Variants in PSMG2 observed in about 807,000 individuals in gnomAD.
The protein encoded by PSMG2 is CD40 ligand-activated specific transcript 3.
PSMG2 carries 21 observed loss-of-function variants against 31.5 expected under a neutral mutation model. That is an observed-to-expected ratio of 0.67 (90% CI 0.47 to 0.96). The LOEUF (loss-of-function observed/expected upper bound fraction) is 0.96, where lower values mean the gene tolerates loss of function less well. Ranked by LOEUF, PSMG2 falls within the 40% of genes least tolerant of loss-of-function variation. The probability of loss-of-function intolerance (pLI) is 0.00; values close to 1 mark genes in which losing one functional copy is unlikely to be tolerated. For synonymous variants in PSMG2, 120 were observed against 110.4 expected, an observed-to-expected ratio of 1.09 and a Z score of -0.54; for missense variants, 318 against 321.2, an observed-to-expected ratio of 0.99 and a Z score of 0.08.
chr18:12,681,135 T>C (rs968266308), intron 1 of PSMG2, among the ~76,000 whole-genome samples: 1 of 151,288 alleles, frequency 6.6e-6, no homozygotes, highest in African/African-American at 2.4e-5. Context: ...GAGGCGGAGG[T>C]TGCAGTGAGC....
intron 1 of PSMG2, among the ~76,000 whole-genome samples, chr18:12,678,608 T>C (rs905171071): frequency 3.9e-5 from 6 of 152,320 alleles, no homozygotes; most frequent in African/African-American, 1.4e-4. Flanking sequence ...TCTGTATTAA[T>C]TGTATGGTAC....
chr18:12,676,612 G>A (rs2039145226), intron 1 of PSMG2, among the ~76,000 whole-genome samples: 1 of 151,994 alleles, frequency 6.6e-6, no homozygotes, highest in South Asian at 2.1e-4. Context: ...TTATTTGTAA[G>A]CAGAACCTAA....
At chr18:12,669,457 A>G (rs532537224) in intron 1 of PSMG2, among the ~76,000 whole-genome samples, 1 of 151,956 alleles carries the variant, frequency 6.6e-6, no homozygotes. Flanking sequence ...TATGTTGACC[A>G]GGCTGTGCTC....
chr18:12,667,828 CCTG>C (rs1049276237), intron 1 of PSMG2, among the ~76,000 whole-genome samples: 8 of 144,210 alleles, frequency 5.5e-5, no homozygotes, highest in African/African-American at 2.0e-4. Context: ...AAGCAATAGA[CCTG>C]CAGGTGCTTT....
At chr18:12,707,711 G>C (rs887546410) in intron 2 of PSMG2, among the ~76,000 whole-genome samples, 3 of 152,218 alleles carry the variant, frequency 2.0e-5, no homozygotes, top group African/African-American at 7.2e-5. Flanking sequence ...ATGGCTAACT[G>C]TTCTGGTGAT....
At chr18:12,671,276 T>G (rs188029591) in intron 1 of PSMG2, 4 of 152,254 alleles carry the variant, frequency 2.6e-5, no homozygotes, top group Admixed American at 1.3e-4. Flanking sequence ...TTTTAGATTT[T>G]AATTTTCGAA....
chr18:12,685,431 G>C (rs1387323365), intron 1 of PSMG2: 1 of 152,110 alleles, frequency 6.6e-6, no homozygotes, highest in Non-Finnish European at 1.5e-5. Flanking sequence ...TTTAGTACTT[G>C]TAGGTCCCTA....
chr18:12,691,503 A>T (rs2039761174), intron 1 of PSMG2: 2 of 1,556,512 alleles, frequency 1.3e-6, no homozygotes, highest in Non-Finnish European at 8.7e-7. Context: ...AATTGAAAAA[A>T]ATATTTTTCA....
intron 1 of PSMG2, chr18:12,678,081 A>C: frequency 1.3e-6 from 2 of 1,553,074 alleles, no homozygotes; most frequent in Non-Finnish European, 1.8e-6. Context: ...AAGAAGTATG[A>C]AACTACAACT....
At chr18:12,659,422 C>A (rs2038649213) in intron 1 of PSMG2, among the ~76,000 whole-genome samples, 1 of 152,160 alleles carries the variant, frequency 6.6e-6, no homozygotes, top group Admixed American at 6.6e-5. Flanking sequence ...AATCCCAGCA[C>A]TTTGGGAGGC....
intron 1 of PSMG2, among the ~76,000 whole-genome samples, chr18:12,667,395 T>C (rs550178001): frequency 6.6e-6 from 1 of 152,178 alleles, no homozygotes; most frequent in East Asian, 1.9e-4. Flanking sequence ...TGTTCAAGGC[T>C]GCAGTGAGCT....
chr18:12,673,646 GAGAC>G, intron 1 of PSMG2: 2 of 542,076 alleles, frequency 3.7e-6, no homozygotes, highest in Non-Finnish European at 6.1e-6. Flanking sequence ...TTGGGAGGCC[GAGAC>G]AGGTGGATCA....
At chr18:12,716,390 A>ATTTT (rs552921643) in intron 3 of PSMG2, among the ~76,000 whole-genome samples, 5 of 130,352 alleles carry the variant, frequency 3.8e-5, no homozygotes, top group Admixed American at 7.8e-5. Flanking sequence ...TAAAGAGTGA[A>ATTTT]TTTTTTTTTT....
At chr18:12,712,461 T>A (rs2040340809) in intron 2 of PSMG2, among the ~76,000 whole-genome samples, 1 of 152,230 alleles carries the variant, frequency 6.6e-6, no homozygotes, top group Admixed American at 6.5e-5. Context: ...AATAATTTTT[T>A]ATATTTTCTT....
intron 1 of PSMG2, among the ~76,000 whole-genome samples, chr18:12,683,928 ATAGG>A (rs1316476248): frequency 1.3e-5 from 2 of 151,562 alleles, no homozygotes; most frequent in African/African-American, 4.8e-5. Context: ...GAATAGAATT[ATAGG>A]TAAAGTTTCA....
chr18:12,667,685 T>C (rs968120144), intron 1 of PSMG2, among the ~76,000 whole-genome samples: 7 of 147,902 alleles, frequency 4.7e-5, no homozygotes, highest in Non-Finnish European at 1.0e-4. Flanking sequence ...TGCTTGAATC[T>C]GGGAGGCAGA....
upstream of PSMG2, among the ~76,000 whole-genome samples, chr18:12,698,149 CTTTTTA>C (rs968812099): frequency 6.7e-6 from 1 of 149,220 alleles, no homozygotes; most frequent in Non-Finnish European, 1.5e-5. Context: ...CTAAATTTGA[CTTTTTA>C]TTTTATTTAT....
chr18:12,693,012 T>C (rs2039824038), intron 1 of PSMG2, among the ~76,000 whole-genome samples: 1 of 152,108 alleles, frequency 6.6e-6, no homozygotes, highest in South Asian at 2.1e-4. Context: ...TTTGTAGAGA[T>C]GAAGTCTACC....
rs781072888 is a variant in PSMG2, at chr18:12,706,667, AATCCATATGCGACCACAG to A, written c.177_194del (p.Asn59_Glu65delinsLys). The A allele has an allele frequency of 8.7e-6, 14 of 1,612,802 alleles. No homozygotes were observed. Among genetic ancestry groups the A allele is most frequent in the Non-Finnish European group, 9.3e-6 (11 of 1,179,064 alleles). Reference sequence around the variant, plus strand: ...TTGTCTTGTGCCAATGGTTGGAAACAATCCATATGCGACCACAGAAGGAAATTCAACAGAACTTAGCAT... The same window carrying A: ...TTGTCTTGTGCCAATGGTTGGAAACAAAGGAAATTCAACAGAACTTAGCAT... On this transcript the variant is annotated inframe_deletion, in exon 2 of 7. Transcript: ENST00000317615.
Sources: gnomAD v4.1 joint callset for allele counts (sites outside exome capture counted in the v4.1 genomes callset) on GRCh38, gnomAD v4.1.1 for gene constraint, MANE v1.5 for transcripts, NCBI Gene and HGNC (gene_info 2026-07-23, HGNC 2026-07-21) for gene names.